The following KCNT2 variants were observed in gnomAD, a reference collection of about 807,000 sequenced individuals.
The protein encoded by KCNT2 is potassium channel subfamily T member 2.
A neutral mutation model predicts 153.8 loss-of-function variants in KCNT2; 67 were observed. That is an observed-to-expected ratio of 0.44 (90% CI 0.36 to 0.53). The LOEUF (loss-of-function observed/expected upper bound fraction) is 0.53. Among genes scored for constraint, KCNT2 ranks in the 20% least tolerant of loss-of-function variants. The pLI, the probability that KCNT2 is intolerant of heterozygous loss-of-function variation, is 0.00. For missense variants in KCNT2, 975 were observed against 1,354.8 expected (o/e 0.72, Z 4.40); for synonymous variants, 500 against 458.8 (o/e 1.09, Z -1.15).
chr1:196,606,558 G>A (rs1047653822), intron 1 of KCNT2, among the ~76,000 whole-genome samples: 3 of 152,144 alleles, frequency 2.0e-5, no homozygotes, highest in African/African-American at 4.8e-5. Flanking sequence ...CATTTAGGCA[G>A]TGTTCAACTA....
At chr1:196,540,580 A>G (rs1038624849) in intron 1 of KCNT2, among the ~76,000 whole-genome samples, 2 of 152,206 alleles carry the variant, frequency 1.3e-5, no homozygotes, top group African/African-American at 4.8e-5. Context: ...CTTTAAACAC[A>G]TAAACATGAG....
chr1:196,513,895 G>A (rs1681840926), intron 1 of KCNT2, among the ~76,000 whole-genome samples: 1 of 152,184 alleles, frequency 6.6e-6, no homozygotes, highest in South Asian at 2.1e-4. Context: ...TTGATATTTT[G>A]TATATTTCCA....
chr1:196,367,688 T>C (rs1045079766), intron 14 of KCNT2, among the ~76,000 whole-genome samples: 1 of 152,186 alleles, frequency 6.6e-6, no homozygotes, highest in African/African-American at 2.4e-5. Flanking sequence ...TGACAGAAAC[T>C]GTATTGACTA....
chr1:196,265,720 C>T (rs549985605), intron 25 of KCNT2, among the ~76,000 whole-genome samples: 1 of 152,208 alleles, frequency 6.6e-6, no homozygotes, highest in African/African-American at 2.4e-5. Context: ...CTCATGTGTC[C>T]ACCCCAAAAA....
intron 1 of KCNT2, among the ~76,000 whole-genome samples, chr1:196,593,311 T>TATATATATACAC (rs1256165838): frequency 1.2e-4 from 17 of 140,206 alleles, no homozygotes; most frequent in African/African-American, 4.8e-4. Flanking sequence ...TATATATATA[T>TATATATATACAC]ACACACACAC....
chr1:196,429,725 C>A lies in KCNT2; in HGVS notation c.671G>T (p.Gly224Val). The A allele has an allele frequency of 6.2e-7, 1 of 1,607,432 alleles. No individual in the cohort carries two copies. The highest frequency in any genetic ancestry group is 8.5e-7 in the Non-Finnish European group (1 of 1,177,650). The change falls in exon 9 of 28, where the codon GGA becomes GTA. Residue 224 changes from glycine (G) to valine (V), a missense_variant. Coordinates refer to ENST00000294725, the MANE Select transcript of KCNT2 (RefSeq NM_198503.5). ...ICGIQHLERI[G>V]KKLNLFDSLY... ...GGAGTCAAAGAGATTCAGCTTCTTT[C>A]CTATTCGTTCCAGATGTTGGATCCC...
At chr1:196,353,543 G>C (rs900423971) in intron 14 of KCNT2, among the ~76,000 whole-genome samples, 1 of 151,824 alleles carries the variant, frequency 6.6e-6, no homozygotes, top group Non-Finnish European at 1.5e-5. Context: ...TCTGTTTATT[G>C]TTTCCAAGGT....
chr1:196,454,127 C>T (rs553684127), intron 8 of KCNT2, among the ~76,000 whole-genome samples: 2 of 152,038 alleles, frequency 1.3e-5, no homozygotes, highest in Admixed American at 6.6e-5. Context: ...AGGCTTTTCT[C>T]TCTGATGTCT....
chr1:196,240,129 C>A (rs1461909611), intron 26 of KCNT2, among the ~76,000 whole-genome samples: 6 of 152,048 alleles, frequency 3.9e-5, no homozygotes, highest in African/African-American at 7.2e-5. Context: ...TCTGAAAACA[C>A]ATATCCATTG....
chr1:196,427,659 A>G (rs377231752), intron 10 of KCNT2, among the ~76,000 whole-genome samples: 2 of 152,248 alleles, frequency 1.3e-5, no homozygotes, highest in South Asian at 2.1e-4. Flanking sequence ...AAAGAAAAAA[A>G]TGAAAGTCCC....
At chr1:196,569,715 G>C (rs1660535020) in intron 1 of KCNT2, among the ~76,000 whole-genome samples, 2 of 152,084 alleles carry the variant, frequency 1.3e-5, no homozygotes, top group South Asian at 4.1e-4. Flanking sequence ...AATTCAAAAG[G>C]ATAACAGGAA....
At chr1:196,502,360 A>C (rs560599939) in intron 1 of KCNT2, among the ~76,000 whole-genome samples, 154 of 152,352 alleles carry the variant, frequency 1.0e-3, no homozygotes, top group Non-Finnish European at 1.9e-3. Flanking sequence ...GATGACATTT[A>C]GTAGCATTGT....
intron 1 of KCNT2, among the ~76,000 whole-genome samples, chr1:196,584,894 G>T (rs1662484933): frequency 1.3e-5 from 2 of 152,026 alleles, no homozygotes; most frequent in African/African-American, 4.8e-5. Flanking sequence ...AAAACATTTT[G>T]TTTGTTTGTT....
rs1178135704 is a variant in KCNT2 at position 196,227,298 on chromosome 1, G to T, written c.*926C>A. ...AAATTATCTTCTGTCAATTTTAAAA[G>T]AATTTTTCTAGTGAAATTTACTATA... On this transcript the variant is annotated 3_prime_UTR_variant, in exon 28 of 28. Coordinates refer to ENST00000294725, the MANE Select transcript of KCNT2 (RefSeq NM_198503.5). The T allele has an allele frequency of 6.6e-6, 1 of 151,906 alleles. No individual in the cohort carries two copies. The highest frequency in any genetic ancestry group is 2.4e-5 in the African/African-American group (1 of 41,398). The allele number at this position is 151,906 out of a possible 1,614,324, so 9.4% of individuals were successfully genotyped here.
At chr1:196,432,447 T>G (rs995005908) in intron 8 of KCNT2, among the ~76,000 whole-genome samples, 25 of 152,104 alleles carry the variant, frequency 1.6e-4, no homozygotes, top group African/African-American at 6.0e-4. Context: ...CTGTGTGGTC[T>G]TTGCCAAACA....
intron 26 of KCNT2, among the ~76,000 whole-genome samples, chr1:196,243,901 C>T (rs1227844681): frequency 1.3e-5 from 2 of 151,808 alleles, no homozygotes; most frequent in East Asian, 1.9e-4. Context: ...CTCCCCCAAA[C>T]CCAGGCGGTG....
chr1:196,317,866 G>A lies in KCNT2; in HGVS notation c.2348+1618C>T, dbSNP rs142501229. Among the ~76,000 whole-genome samples the A allele has an allele frequency of 2.1e-3, 315 of 151,640 alleles. 2 individuals are homozygous for A. The highest frequency in any genetic ancestry group is 7.3e-3 in the African/African-American group (304 of 41,410). On this transcript the variant is annotated intron_variant, in intron 20 of 27. Coordinates refer to ENST00000294725, the MANE Select transcript of KCNT2 (RefSeq NM_198503.5). ...TTACTCATAACCTTGGCAAATTATC[G>A]TTACATATCAATTTAAATCTATATA...
intron 22 of KCNT2, among the ~76,000 whole-genome samples, chr1:196,297,612 C>T (rs2147946114): frequency 6.6e-6 from 1 of 152,220 alleles, no homozygotes; most frequent in African/African-American, 2.4e-5. Flanking sequence ...TGTTTTTCCT[C>T]ATTTAAAGAA....
chr1:196,245,418 T>G (rs1319414654), intron 26 of KCNT2, among the ~76,000 whole-genome samples: 1 of 152,114 alleles, frequency 6.6e-6, no homozygotes, highest in African/African-American at 2.4e-5. Flanking sequence ...CAAGCCCAGA[T>G]TGCAAAGAAT....
Sources: allele counts gnomAD v4.1 joint callset (sites outside exome capture counted in the v4.1 genomes callset), GRCh38; gene constraint gnomAD v4.1.1; transcripts MANE v1.5; gene names NCBI Gene and HGNC (gene_info 2026-07-23, HGNC 2026-07-21).